The following SLC35C1 variants were observed in gnomAD, a reference collection of about 807,000 sequenced individuals.
SLC35C1 encodes GDP-fucose transporter 1.
A neutral mutation model predicts 23.2 loss-of-function variants in SLC35C1; 8 were observed. The observed-to-expected ratio is 0.35, with a 90% confidence interval of 0.20 to 0.62. SLC35C1 has a LOEUF of 0.62. SLC35C1 is among the 20% of genes least tolerant of loss of function. The probability of loss-of-function intolerance (pLI) is 0.75; values close to 1 mark genes in which losing one functional copy is unlikely to be tolerated. For synonymous variants in SLC35C1, 226 were observed against 225.1 expected, an observed-to-expected ratio of 1.00 and a Z score of -0.04; for missense variants, 422 against 478.6, an observed-to-expected ratio of 0.88 and a Z score of 1.10.
upstream of SLC35C1, chr11:45,804,347 C>A: frequency 2.7e-6 from 1 of 376,358 alleles, no homozygotes; most frequent in Non-Finnish European, 3.7e-6. Flanking sequence ...GTCGATCCCG[C>A]GGGCGCGGCC....
chr11:45,810,677 C>G, intron 1 of SLC35C1, 99 bp from the exon 2 acceptor site: 1 of 1,498,686 alleles, frequency 6.7e-7, no homozygotes, highest in Non-Finnish European at 8.9e-7. Context: ...GGCCGCAATA[C>G]TCAGTCTGTG....
At position 45,805,776 on chromosome 11, in the gene SLC35C1, C is replaced by T. The variant is rs1487477233; in HGVS notation, c.-26C>T. ...CTCCAGGGAATCAGAGTTCTGGCCG[C>T]GGGGTGACCCAGCTCCTCTGCTACC... On this transcript the variant is annotated 5_prime_UTR_variant, in exon 1 of 2. Coordinates refer to ENST00000314134, the MANE Select transcript of SLC35C1 (RefSeq NM_018389.5). 79 of 1,610,122 alleles carry T rather than the reference C, an allele frequency of 4.9e-5. No individual in the cohort carries two copies. Among genetic ancestry groups the T allele is most frequent in the Non-Finnish European group, 6.5e-5 (77 of 1,179,956 alleles).
Position 45,805,333 on chromosome 11 carries a change from C to CG in SLC35C1, c.-469_-468insG. On this transcript the variant is annotated 5_prime_UTR_variant, in exon 1 of 2. Coordinates refer to ENST00000314134, the MANE Select transcript of SLC35C1 (RefSeq NM_018389.5). ...CAGCTCCCTGTACGCCTCCCTCCCC[C>CG]TGCCCGCCCCTCCCTCCCACAGCCG... 10 of 988,622 alleles carry CG rather than the reference C, an allele frequency of 1.0e-5. No homozygotes were observed. Among genetic ancestry groups the CG allele is most frequent in the Non-Finnish European group, 1.2e-5 (10 of 822,066 alleles). The allele number at this position is 988,622 out of a possible 1,614,324, so 61.2% of individuals were successfully genotyped here. A position where few individuals can be genotyped will look rare whatever the true frequency, so the allele number is the denominator to read the frequency against.
chr11:45,805,021 T>G, upstream of SLC35C1: 1 of 985,708 alleles, frequency 1.0e-6, no homozygotes, highest in South Asian at 4.7e-5. Context: ...GGGGCGGGGC[T>G]GGGGACTGGC....
chr11:45,805,298 C>G lies in SLC35C1; in HGVS notation c.-504C>G. On this transcript the variant is annotated 5_prime_UTR_variant, in exon 1 of 2. Coordinates refer to ENST00000314134, the MANE Select transcript of SLC35C1 (RefSeq NM_018389.5). ...CCGCAGCCCTCCCTCCAGCCGCGCC[C>G]GGCCTCCGGCAGCTCCCTGTACGCC... The G allele has an allele frequency of 9.6e-7, 1 of 1,041,482 alleles. No homozygotes were observed. The highest frequency in any genetic ancestry group is 1.2e-6 in the Non-Finnish European group (1 of 861,622). 64.5% of individuals were successfully genotyped at this position (1,041,482 alleles called of 1,614,324 possible).
At position 45,811,412 on chromosome 11, in the gene SLC35C1, C is replaced by T. The variant is rs2085947265; in HGVS notation, c.*77C>T. On this transcript the variant is annotated 3_prime_UTR_variant, in exon 2 of 2. Transcript: ENST00000314134. ...GCCAGCACAGTAGTGAAGGCGGTCT[C>T]CTGGACCCCAGAAGCGTGCTGTGGT... The T allele has an allele frequency of 1.6e-6, 2 of 1,266,958 alleles. No individual in the cohort carries two copies. Among genetic ancestry groups the T allele is most frequent in the Non-Finnish European group, 2.1e-6 (2 of 946,880 alleles). The allele number at this position is 1,266,958 out of a possible 1,614,324, so 78.5% of individuals were successfully genotyped here. A position where few individuals can be genotyped will look rare whatever the true frequency, so the allele number is the denominator to read the frequency against.
At chr11:45,809,866 G>A in intron 1 of SLC35C1, 1 of 985,434 alleles carries the variant, frequency 1.0e-6, no homozygotes, top group African/African-American at 1.7e-5. Flanking sequence ...CCATGGGCAG[G>A]GGCCCAGCAG....
upstream of SLC35C1, chr11:45,805,086 CTTTAA>C (rs2085852838): frequency 1.0e-6 from 1 of 985,772 alleles, no homozygotes; most frequent in African/African-American, 1.7e-5. Flanking sequence ...CGTGCGGGCC[CTTTAA>C]GGCCACGTGG....
At position 45,811,587 on chromosome 11, in the gene SLC35C1, G is replaced by A. The variant is rs942705519; in HGVS notation, c.*252G>A. The A allele has an allele frequency of 9.2e-6, 4 of 434,586 alleles. No individual in the cohort carries two copies. Among genetic ancestry groups the A allele is most frequent in the Non-Finnish European group, 1.6e-5 (4 of 246,016 alleles). 26.9% of individuals were successfully genotyped at this position (434,586 alleles called of 1,614,324 possible). On this transcript the variant is annotated 3_prime_UTR_variant, in exon 2 of 2. Coordinates refer to ENST00000314134, the MANE Select transcript of SLC35C1 (RefSeq NM_018389.5). ...CCCTTCTCTATCCTCTCGTATTTCT[G>A]AGTTTTTGTCCTTCCCGAGGGAGCA...
chr11:45,808,213 T>C (rs1300178006), intron 1 of SLC35C1, among the ~76,000 whole-genome samples: 1 of 152,162 alleles, frequency 6.6e-6, no homozygotes, highest in Non-Finnish European at 1.5e-5. Flanking sequence ...TCAAAGCTCC[T>C]TCTGGGCCAG....
upstream of SLC35C1, chr11:45,804,408 T>A: frequency 8.2e-6 from 7 of 856,596 alleles, no homozygotes; most frequent in Non-Finnish European, 9.8e-6. Flanking sequence ...GGGCGCCCAG[T>A]GCACCGGAGG....
Position 45,806,008 on chromosome 11 carries a change from G to A in SLC35C1, c.207G>A (p.Arg69=), listed in dbSNP as rs757588395. The A allele has an allele frequency of 1.2e-5, 19 of 1,614,018 alleles. No homozygotes were observed. Among genetic ancestry groups the A allele is most frequent in the Non-Finnish European group, 1.5e-5 (18 of 1,180,022 alleles). ...ACCTGCTGGACAGCCCCTCCCTGCG[G>A]CTGGACACCCCCATCTTCGTCACCT... ...NKYLLDSPSL[R]LDTPIFVTFY... Residue 69 remains arginine, a synonymous_variant, in exon 1 of 2, where the codon CGG becomes CGA. Coordinates refer to ENST00000314134, the MANE Select transcript of SLC35C1 (RefSeq NM_018389.5).
In SLC35C1 at chr11:45,812,717, C is replaced by A; in HGVS notation, c.*1382C>A. 2.2e-6 allele frequency: 1 copy of A among 450,258 alleles called. No individual in the cohort carries two copies. The highest frequency in any genetic ancestry group is 1.6e-5 in the South Asian group (1 of 64,442). The allele number at this position is 450,258 out of a possible 1,614,324, so 27.9% of individuals were successfully genotyped here. The stretch of plus-strand genomic sequence containing the variant: ...TACTGTCACCTTGGGGGTGAGAATT[C>A]CAATGTGAATTTGCAGGGGGAGTGG... On this transcript the variant is annotated 3_prime_UTR_variant, in exon 2 of 2. Transcript: ENST00000314134.
At chr11:45,804,633 T>G (rs1261705747), upstream of SLC35C1, 1 of 985,378 alleles carries the variant, frequency 1.0e-6, no homozygotes, top group African/African-American at 1.8e-5. Context: ...GCCTCCGGCC[T>G]CGGGGAGCGC....
intron 1 of SLC35C1, among the ~76,000 whole-genome samples, chr11:45,807,310 A>G (rs568557901): frequency 1.6e-4 from 24 of 152,354 alleles, no homozygotes; most frequent in African/African-American, 5.8e-4. Flanking sequence ...AAAATGTTAA[A>G]CATTCACTTC....
At chr11:45,809,690 A>G in intron 1 of SLC35C1, 1 of 943,630 alleles carries the variant, frequency 1.1e-6, no homozygotes, top group Non-Finnish European at 1.3e-6. Context: ...CTCCCAGGCC[A>G]CTCAGCTTCT....
Position 45,806,124 on chromosome 11 carries a change from G to C in SLC35C1, c.323G>C (p.Arg108Pro), listed in dbSNP as rs765620583. The change falls in exon 1 of 2, where the codon CGC becomes CCC. Residue 108 changes from arginine to proline, a missense_variant. By Grantham distance (103) the Arg-to-Pro change is moderately radical (BLOSUM62 -2). Coordinates refer to ENST00000314134, the MANE Select transcript of SLC35C1 (RefSeq NM_018389.5). Reference protein sequence around the residue: ...CPGAVDFPSLRLDLRVARSVL... With the variant: ...CPGAVDFPSLPLDLRVARSVL... The stretch of plus-strand genomic sequence containing the variant: ...GGTGCCGTGGACTTCCCCAGCTTGC[G>C]CCTGGACCTCAGGGTGGCCCGCAGC... 1.2e-6 allele frequency: 2 copies of C among 1,608,750 alleles called. No homozygotes were observed. The highest frequency in any genetic ancestry group is 1.3e-5 in the African/African-American group (1 of 74,902).
Position 45,806,165 on chromosome 11 carries a change from G to A in SLC35C1, c.364G>A (p.Val122Met). The stretch of plus-strand genomic sequence containing the variant: ...GGCCCGCAGCGTCCTGCCCCTGTCG[G>A]TGGTCTTCATCGGCATGATCACCTT... ...RVARSVLPLS[V>M]VFIGMITFNN... Residue 122 changes from valine (V) to methionine (M), a missense_variant, in exon 1 of 2, where the codon GTG becomes ATG. Transcript: ENST00000314134. 2 of 1,606,058 alleles carry A rather than the reference G, an allele frequency of 1.2e-6. No homozygotes were observed. The highest frequency in any genetic ancestry group is 8.5e-7 in the Non-Finnish European group (1 of 1,179,980).
In SLC35C1 at chr11:45,805,479, C is replaced by T. The variant is rs1393775413; in HGVS notation, c.-323C>T. The T allele has an allele frequency of 8.0e-6, 10 of 1,244,140 alleles. No homozygotes were observed. The highest frequency in any genetic ancestry group is 4.6e-5 in the African/African-American group (3 of 65,602). The allele number at this position is 1,244,140 out of a possible 1,614,324, so 77.1% of individuals were successfully genotyped here. On this transcript the variant is annotated 5_prime_UTR_variant, in exon 1 of 2. Coordinates refer to ENST00000314134, the MANE Select transcript of SLC35C1 (RefSeq NM_018389.5). ...CCTCTCCCCTCCCTTCTCTCTGCGA[C>T]CCCTCCCTGTTAGGCCCCAGCCTCT... is the stretch of plus-strand genomic sequence containing the variant.
Sources: gnomAD v4.1 joint callset for allele counts (sites outside exome capture counted in the v4.1 genomes callset) on GRCh38, gnomAD v4.1.1 for gene constraint, MANE v1.5 for transcripts, NCBI Gene and HGNC (gene_info 2026-07-23, HGNC 2026-07-21) for gene names.